MYO5A: variants seen among roughly 807,000 people sequenced by gnomAD.
MYO5A encodes the protein myosin VA, also known as unconventional myosin-Va.
MYO5A carries 98 observed loss-of-function variants against 249.7 expected under a neutral mutation model. The ratio of observed to expected loss-of-function variants is 0.39; its 90% CI spans 0.33 to 0.46. MYO5A has a LOEUF of 0.46. Among genes scored for constraint, MYO5A ranks in the 20% least tolerant of loss-of-function variants. MYO5A has a pLI of 0.98. For synonymous variants in MYO5A, 778 were observed against 810.6 expected, an observed-to-expected ratio of 0.96 and a Z score of 0.68; for missense variants, 1,696 against 2,308.8, an observed-to-expected ratio of 0.73 and a Z score of 5.44.
At chr15:52,396,484 G>T (rs2042489985) in intron 10 of MYO5A, 87 bp from the exon 11 acceptor site, 2 of 752,624 alleles carry the variant, frequency 2.7e-6, no homozygotes, top group East Asian at 2.7e-5. Flanking sequence ...TAGGAAGAAA[G>T]AAGTGGGACA....
chr15:52,472,555 G>C (rs142049711), intron 1 of MYO5A, among the ~76,000 whole-genome samples: 3 of 151,768 alleles, frequency 2.0e-5, no homozygotes, highest in South Asian at 4.2e-4. Flanking sequence ...TCCCCCCACC[G>C]CACAACAGGC....
Position 52,407,397 on chromosome 15 carries a change from T to G in MYO5A, c.841A>C (p.Asn281His), listed in dbSNP as rs1323226475. 16 of 1,611,004 alleles carry G rather than the reference T, an allele frequency of 9.9e-6. No homozygotes were observed. The highest frequency in any genetic ancestry group is 1.3e-5 in the Non-Finnish European group (15 of 1,177,310). Residue 281 changes from asparagine to histidine, a missense_variant and splice_region_variant, in exon 8 of 42, where the codon AAT becomes CAT. By Grantham distance (68) the Asn-to-His change is moderately conservative. Transcript: ENST00000399233. ...TTTGTGTAATTAAAGTTATCTGCAT[T>G]TCCTGTAATGAAGAAAAATAAAAAT... is the stretch of plus-strand genomic sequence containing the variant. ...LPEFKMLRLG[N>H]ADNFNYTKQG...
At chr15:52,388,988 C>T (rs146876682) in intron 13 of MYO5A, among the ~76,000 whole-genome samples, 12 of 151,340 alleles carry the variant, frequency 7.9e-5, no homozygotes, top group African/African-American at 1.9e-4. Context: ...TTTAGCTAAA[C>T]GAGTTATTAA....
intron 1 of MYO5A, among the ~76,000 whole-genome samples, chr15:52,491,713 G>C (rs550721348): frequency 1.2e-3 from 181 of 152,150 alleles, no homozygotes; most frequent in African/African-American, 4.3e-3. Context: ...TTAATCAAAC[G>C]GAAATTAAGG....
chr15:52,368,066 T>C (rs543412563), intron 22 of MYO5A, among the ~76,000 whole-genome samples: 2 of 152,326 alleles, frequency 1.3e-5, no homozygotes, highest in East Asian at 3.9e-4. Context: ...TGAATTCCTT[T>C]TTCTAAGCTA....
chr15:52,424,721 T>C (rs1381880919), intron 4 of MYO5A, among the ~76,000 whole-genome samples: 1 of 152,228 alleles, frequency 6.6e-6, no homozygotes, highest in Non-Finnish European at 1.5e-5. Context: ...TTTCCCATAT[T>C]ATATTTATAA....
chr15:52,376,392 G>A lies in MYO5A; in HGVS notation c.2375C>T (p.Ala792Val), dbSNP rs768370695. Residue 792 changes from alanine (A) to valine (V), a missense_variant, in exon 19 of 42, where the codon GCA becomes GTA. By Grantham distance (64) the Ala-to-Val change is moderately conservative. Around this residue, in one of 5 missense-constraint regions of MYO5A, gnomAD observed 412 missense variants for 453.3 expected, o/e 0.91. Coordinates refer to ENST00000399233, the MANE Select transcript of MYO5A (RefSeq NM_001382347.1). ...LRKKYLRMRK[A>V]AITMQRYVRG... is the part of the protein sequence containing the mutation. ...CACGTATCTCTGCATGGTGATGGCTGCCTTCCGCATGCGTAGGTACTTCTT... is the reference window on the plus strand; with the variant it reads ...CACGTATCTCTGCATGGTGATGGCTACCTTCCGCATGCGTAGGTACTTCTT... 6.2e-6 allele frequency: 10 copies of A among 1,614,034 alleles called. No individual in the cohort carries two copies. In the South Asian group the frequency reaches 1.1e-4, roughly 18 times the overall value.
chr15:52,422,207 A>G (rs940049895), intron 4 of MYO5A, among the ~76,000 whole-genome samples: 2 of 152,186 alleles, frequency 1.3e-5, no homozygotes, highest in African/African-American at 4.8e-5. Flanking sequence ...AGGGCATTGT[A>G]CTCTCTAAGG....
At chr15:52,383,249 A>G in intron 15 of MYO5A, 61 bp from the exon 16 acceptor site, 1 of 1,343,298 alleles carries the variant, frequency 7.4e-7, no homozygotes, top group Non-Finnish European at 1.1e-6. Context: ...GGTGAGGTAA[A>G]ACAATGGGAA....
intron 4 of MYO5A, among the ~76,000 whole-genome samples, chr15:52,418,144 C>T (rs972197074): frequency 2.0e-5 from 3 of 152,160 alleles, no homozygotes; most frequent in African/African-American, 7.2e-5. Context: ...TTGGAAAGAG[C>T]AGATAACTCA....
At position 52,416,452 on chromosome 15, in the gene MYO5A, T is replaced by G. The variant is rs867506433; in HGVS notation, c.456-151A>C. 5.9e-5 allele frequency: 43 copies of G among 726,446 alleles called. 1 individual carries two copies. In the South Asian group the frequency reaches 7.2e-4, roughly 12 times the overall value. 45.0% of individuals were successfully genotyped at this position (726,446 alleles called of 1,614,324 possible). Reference sequence around the variant, plus strand: ...TATAACACCAAGGTCTCAGGTTCAATCCCTATACTGGCCACCAGAAATGTT... The same window carrying G: ...TATAACACCAAGGTCTCAGGTTCAAGCCCTATACTGGCCACCAGAAATGTT... On this transcript the variant is annotated intron_variant, in intron 4 of 41. Transcript: ENST00000399233.
At chr15:52,359,882 T>C (rs372518262) in intron 25 of MYO5A, 86 bp downstream of exon 25, 12 of 906,386 alleles carry the variant, frequency 1.3e-5, no homozygotes, top group Middle Eastern at 2.7e-4. Flanking sequence ...TTATGGCCAA[T>C]TGGAGTCTGC....
At chr15:52,348,251 G>A (rs181875120) in intron 29 of MYO5A, among the ~76,000 whole-genome samples, 1 of 152,170 alleles carries the variant, frequency 6.6e-6, no homozygotes, top group African/African-American at 2.4e-5. Context: ...AGTTCTAAAA[G>A]GGTTGTGCTA....
At chr15:52,363,195 T>C (rs1343216356) in intron 24 of MYO5A, among the ~76,000 whole-genome samples, 1 of 151,954 alleles carries the variant, frequency 6.6e-6, no homozygotes, top group Non-Finnish European at 1.5e-5. Flanking sequence ...CACCAAAGAA[T>C]GGAACTGGGG....
chr15:52,416,005 A>T, intron 5 of MYO5A, 140 bp downstream of exon 5: 1 of 1,019,796 alleles, frequency 9.8e-7, no homozygotes, highest in Non-Finnish European at 1.4e-6. Flanking sequence ...TAGATTTTTT[A>T]TAAACATGTA....
chr15:52,346,072 A>G (rs2039610184), intron 30 of MYO5A, among the ~76,000 whole-genome samples: 1 of 152,248 alleles, frequency 6.6e-6, no homozygotes, highest in Admixed American at 6.5e-5. Context: ...TGACCTGAGC[A>G]GGTAGTTTTC....
chr15:52,365,500 T>C (rs577744538), intron 23 of MYO5A, among the ~76,000 whole-genome samples: 1 of 152,186 alleles, frequency 6.6e-6, no homozygotes, highest in Admixed American at 6.5e-5. Flanking sequence ...CCAGTCACAT[T>C]TATAATATTA....
At chr15:52,382,193 C>T (rs1033037381) in intron 16 of MYO5A, among the ~76,000 whole-genome samples, 1 of 152,234 alleles carries the variant, frequency 6.6e-6, no homozygotes, top group East Asian at 1.9e-4. Context: ...TGAGCCACTG[C>T]ACCCGGCTGA....
chr15:52,480,918 G>A (rs1252769410), intron 1 of MYO5A, among the ~76,000 whole-genome samples: 2 of 152,140 alleles, frequency 1.3e-5, no homozygotes, highest in Non-Finnish European at 2.9e-5. Context: ...GTACCAACAG[G>A]CACAGGTCTA....
Sources: allele counts gnomAD v4.1 joint callset (sites outside exome capture counted in the v4.1 genomes callset), GRCh38; gene constraint gnomAD v4.1.1; regional missense constraint gnomAD v4.1.1; transcripts MANE v1.5; gene names NCBI Gene and HGNC (gene_info 2026-07-23, HGNC 2026-07-21).